RESF1: variants seen among roughly 807,000 people sequenced by gnomAD.
The protein encoded by RESF1 is gonad expressed transcript.
A neutral mutation model predicts 134.7 loss-of-function variants in RESF1; 65 were observed. The ratio of observed to expected loss-of-function variants is 0.48; its 90% CI spans 0.40 to 0.59. The LOEUF is 0.59. Ranked by LOEUF, RESF1 falls within the 20% of genes least tolerant of loss-of-function variation. RESF1 has a pLI of 0.00. For missense variants in RESF1, 2,274 were observed against 2,002.7 expected (o/e 1.14, Z -2.59); for synonymous variants, 762 against 702.2 (o/e 1.09, Z -1.35).
At chr12:31,964,893 T>C (rs1939363700) in intron 2 of RESF1, among the ~76,000 whole-genome samples, 1 of 152,192 alleles carries the variant, frequency 6.6e-6, no homozygotes, top group Non-Finnish European at 1.5e-5. Context: ...GGGTTCTAGG[T>C]TCTGTTCCAT....
chr12:31,968,450 CTTTTT>C (rs34647835), intron 2 of RESF1, among the ~76,000 whole-genome samples: 1 of 140,564 alleles, frequency 7.1e-6, no homozygotes, highest in African/African-American at 2.6e-5. Context: ...TAGGACTTCT[CTTTTT>C]TTTTTTTTTT....
At position 31,984,268 on chromosome 12, in the gene RESF1, C is replaced by T; in HGVS notation, c.3313C>T (p.Gln1105Ter). 6.2e-7 allele frequency: 1 copy of T among 1,613,934 alleles called. No homozygotes were observed. Among genetic ancestry groups the T allele is most frequent in the Non-Finnish European group, 8.5e-7 (1 of 1,179,976 alleles). The change falls in exon 4 of 6, where the codon CAA (glutamine) becomes TAA (stop). Residue 1105 changes from glutamine to a stop codon, truncating the protein, a stop_gained. Transcript: ENST00000312561. LOFTEE classifies it high-confidence loss of function. ...CTCCAAAGACCCAGCAGATCAAATACAAATTACAATATTAAGCTCAGAGCA... is the reference window on the plus strand; with the variant it reads ...CTCCAAAGACCCAGCAGATCAAATATAAATTACAATATTAAGCTCAGAGCA... ...SDSKDPADQI[Q>*]ITILSSEQMK...
intron 3 of RESF1, among the ~76,000 whole-genome samples, chr12:31,974,532 C>A (rs1939587437): frequency 6.6e-6 from 1 of 152,066 alleles, no homozygotes; most frequent in African/African-American, 2.4e-5. Flanking sequence ...CGTGGTCCTT[C>A]CTCTGTGGGC....
intron 2 of RESF1, among the ~76,000 whole-genome samples, chr12:31,961,824 A>C (rs1293997135): frequency 6.6e-6 from 1 of 152,200 alleles, no homozygotes; most frequent in African/African-American, 2.4e-5. Flanking sequence ...GTTGTTCTAC[A>C]TTATCTCTGT....
intron 3 of RESF1, among the ~76,000 whole-genome samples, chr12:31,978,398 TATACCAGCTAGGATCTCC>T (rs1189952165): frequency 1.3e-5 from 2 of 150,092 alleles, no homozygotes; most frequent in African/African-American, 4.8e-5. Flanking sequence ...TTTTTTTCTT[TATACCAGCTAGGATCTCC>T]AGTAAAATGA....
chr12:31,983,614 A>G lies in RESF1; in HGVS notation c.2659A>G (p.Ser887Gly), dbSNP rs1325962688. The change falls in exon 4 of 6, where the codon AGT becomes GGT. Residue 887 changes from serine to glycine, a missense_variant. Transcript: ENST00000312561. ...GTCAAGGAATAGTACTGTTGTGAGT[A>G]GTGATACATTACAGATTGACAATAT... The part of the protein sequence containing the change: ...QESRNSTVVS[S>G]DTLQIDNICS... The G allele has an allele frequency of 3.7e-6, 6 of 1,614,106 alleles. No homozygotes were observed. Among genetic ancestry groups the G allele is most frequent in the Non-Finnish European group, 5.1e-6 (6 of 1,179,960 alleles).
chr12:31,988,300 CTG>C (rs1940018597), intron 5 of RESF1, among the ~76,000 whole-genome samples: 1 of 152,058 alleles, frequency 6.6e-6, no homozygotes. Context: ...TGTTCCGTAT[CTG>C]TGGATTCAAG....
intron 3 of RESF1, among the ~76,000 whole-genome samples, chr12:31,972,467 G>A (rs113784105): frequency 5.0e-4 from 76 of 152,036 alleles, no homozygotes; most frequent in African/African-American, 1.7e-3. Context: ...TTAGCCAGGC[G>A]TGGTGGTGGG....
At chr12:31,991,197 CAAA>C (rs34643110) in intron 5 of RESF1, among the ~76,000 whole-genome samples, 4 of 139,412 alleles carry the variant, frequency 2.9e-5, no homozygotes, top group Non-Finnish European at 6.2e-5. Flanking sequence ...GACCCTGTCT[CAAA>C]AAAAAAAAAA....
intron 4 of RESF1, 70 bp downstream of exon 4, chr12:31,986,027 C>A: frequency 9.9e-7 from 1 of 1,006,478 alleles, no homozygotes; most frequent in Non-Finnish European, 1.3e-6. Flanking sequence ...TGGGCTAGCA[C>A]CTCTCATGCT....
intron 3 of RESF1, among the ~76,000 whole-genome samples, 186 bp from the exon 4 acceptor site, chr12:31,980,692 C>T (rs977349959): frequency 1.3e-5 from 2 of 152,090 alleles, no homozygotes; most frequent in Admixed American, 6.5e-5. Context: ...CTGTTAAACA[C>T]GTTAGAAATT....
chr12:31,982,396 A>T lies in RESF1; in HGVS notation c.1441A>T (p.Thr481Ser), dbSNP rs932066463. The change falls in exon 4 of 6, where the codon ACT (threonine) becomes TCT (serine). Residue 481 changes from threonine (T) to serine (S), a missense_variant. Physicochemically the swap from Thr to Ser is moderately conservative, Grantham distance 58. Transcript: ENST00000312561. ...AGTGGAATCTGCAGAAACAAATAAGACTCAATGTATGTTGAATTCTGACAT... is the reference window on the plus strand; with the variant it reads ...AGTGGAATCTGCAGAAACAAATAAGTCTCAATGTATGTTGAATTCTGACAT... ...TVVESAETNKTQCMLNSDIQE... is the reference protein window; with the variant it reads ...TVVESAETNKSQCMLNSDIQE... 2 of 1,613,980 alleles carry T rather than the reference A, an allele frequency of 1.2e-6. No individual in the cohort carries two copies. The highest frequency in any genetic ancestry group is 2.7e-5 in the African/African-American group (2 of 74,942).
intron 5 of RESF1, among the ~76,000 whole-genome samples, chr12:31,991,731 A>G (rs1243224077): frequency 6.6e-6 from 1 of 152,140 alleles, no homozygotes; most frequent in Non-Finnish European, 1.5e-5. Flanking sequence ...TTGTATTTTT[A>G]GTCAAAACAG....
intron 5 of RESF1, among the ~76,000 whole-genome samples, chr12:31,989,259 G>T (rs865934983): frequency 6.6e-6 from 1 of 151,512 alleles, no homozygotes; most frequent in South Asian, 2.1e-4. Context: ...AGCCGAGTGT[G>T]GTGGCGGGCA....
chr12:31,984,263 A>G lies in RESF1; in HGVS notation c.3308A>G (p.Gln1103Arg). Reference protein sequence around the residue: ...TSSDSKDPADQIQITILSSEQ... With the variant: ...TSSDSKDPADRIQITILSSEQ... ...TCTGACTCCAAAGACCCAGCAGATC[A>G]AATACAAATTACAATATTAAGCTCA... The change falls in exon 4 of 6, where the codon CAA (glutamine) becomes CGA (arginine). Residue 1103 changes from glutamine (Q) to arginine (R), a missense_variant. Physicochemically the swap from Gln to Arg is conservative, Grantham distance 43 (BLOSUM62 1). Transcript: ENST00000312561. The G allele has an allele frequency of 6.2e-7, 1 of 1,614,050 alleles. No individual in the cohort carries two copies.
chr12:31,976,907 C>G (rs930148687), intron 3 of RESF1, among the ~76,000 whole-genome samples: 1 of 152,130 alleles, frequency 6.6e-6, no homozygotes, highest in South Asian at 2.1e-4. Context: ...TGTAGTGTCT[C>G]ATACAGTGTT....
At chr12:31,971,223 G>C (rs1408149228) in intron 3 of RESF1, among the ~76,000 whole-genome samples, 1 of 152,076 alleles carries the variant, frequency 6.6e-6, no homozygotes, top group East Asian at 1.9e-4. Flanking sequence ...GCTCACTGCA[G>C]CCTCCGCCTC....
intron 3 of RESF1, among the ~76,000 whole-genome samples, chr12:31,978,569 C>T (rs993385765): frequency 2.6e-5 from 4 of 151,356 alleles, no homozygotes; most frequent in East Asian, 1.9e-4. Flanking sequence ...TGTTTTGAGA[C>T]GGGCTCTCGC....
At chr12:31,974,397 G>C (rs145147906) in intron 3 of RESF1, among the ~76,000 whole-genome samples, 1 of 152,014 alleles carries the variant, frequency 6.6e-6, no homozygotes, top group South Asian at 2.1e-4. Flanking sequence ...CCACAGACTG[G>C]GTGGAGAAAT....
Sources: gnomAD v4.1 joint callset for allele counts (sites outside exome capture counted in the v4.1 genomes callset) on GRCh38, gnomAD v4.1.1 for gene constraint, MANE v1.5 for transcripts, NCBI Gene and HGNC (gene_info 2026-07-23, HGNC 2026-07-21) for gene names.